Variants in SGIP1 observed in about 807,000 individuals in gnomAD.
SGIP1 encodes the protein SH3-containing GRB2-like protein 3-interacting protein 1.
In SGIP1, 38 loss-of-function variants were observed where a neutral mutation model predicts 107.5. That is an observed-to-expected ratio of 0.35 (90% CI 0.27 to 0.46). The LOEUF is 0.46. Among genes scored for constraint, SGIP1 ranks in the 20% least tolerant of loss-of-function variants. The probability of loss-of-function intolerance (pLI) is 1.00; values close to 1 mark genes in which losing one functional copy is unlikely to be tolerated. For missense variants in SGIP1, 929 were observed against 1,019.5 expected, an observed-to-expected ratio of 0.91 and a Z score of 1.21; for synonymous variants, 365 against 366.1, an observed-to-expected ratio of 1.00 and a Z score of 0.03.
intron 1 of SGIP1, among the ~76,000 whole-genome samples, chr1:66,608,610 C>A (rs2067304419): frequency 6.6e-6 from 1 of 152,190 alleles, no homozygotes; most frequent in Non-Finnish European, 1.5e-5. Flanking sequence ...TAAAAGCTCT[C>A]TGGTTTTCTG....
chr1:66,633,982 C>A, intron 3 of SGIP1: 2 of 1,009,168 alleles, frequency 2.0e-6, no homozygotes, highest in South Asian at 1.5e-5. Context: ...AGCTTTGGGG[C>A]GCCTTTTGCC....
Position 66,743,154 on chromosome 1 carries a change from C to G in SGIP1, c.*59C>G. On this transcript the variant is annotated 3_prime_UTR_variant, in exon 25 of 25. Transcript: ENST00000371037. ...TAATGGAGAACTGATGTATGAGAAA[C>G]AGATTTTAATTTTGGTTTGATGAAA... 1 of 1,586,096 alleles carries G rather than the reference C, an allele frequency of 6.3e-7. No individual in the cohort carries two copies. Among genetic ancestry groups the G allele is most frequent in the Non-Finnish European group, 8.6e-7 (1 of 1,158,976 alleles).
chr1:66,610,170 G>C (rs2067678561), intron 1 of SGIP1, among the ~76,000 whole-genome samples: 1 of 152,256 alleles, frequency 6.6e-6, no homozygotes. Flanking sequence ...GATATATTTA[G>C]TGTAGAAGTA....
chr1:66,667,634 T>A (rs1012520306), intron 9 of SGIP1, 93 bp downstream of exon 9: 1 of 1,119,260 alleles, frequency 8.9e-7, no homozygotes, highest in Admixed American at 1.7e-5. Context: ...AAATTTATGA[T>A]AACCCAGTGT....
chr1:66,742,760 C>T (rs545494766), intron 24 of SGIP1, among the ~76,000 whole-genome samples: 33 of 149,350 alleles, frequency 2.2e-4, no homozygotes, highest in South Asian at 1.7e-3. Context: ...TGAGCCACCG[C>T]GCCCGGCCTA....
At chr1:66,606,286 G>A (rs2066825702) in intron 1 of SGIP1, among the ~76,000 whole-genome samples, 2 of 152,184 alleles carry the variant, frequency 1.3e-5, no homozygotes, top group African/African-American at 2.4e-5. Context: ...ACAAGACAAG[G>A]TATGTGAAAG....
At chr1:66,615,963 G>T (rs2149216626) in intron 1 of SGIP1, 1 of 152,290 alleles carries the variant, frequency 6.6e-6, no homozygotes, top group East Asian at 1.9e-4. Flanking sequence ...TCCAAATTCT[G>T]TGATATCTCT....
intron 18 of SGIP1, among the ~76,000 whole-genome samples, chr1:66,713,482 T>C (rs1057098505): frequency 6.6e-6 from 1 of 152,148 alleles, no homozygotes; most frequent in Non-Finnish European, 1.5e-5. Flanking sequence ...TTGATTTTTG[T>C]TGTTATTGAA....
rs754979253 is a variant in SGIP1, at chr1:66,625,921, T to C, written c.74+11T>C. On this transcript the variant is annotated intron_variant, in intron 2 of 24. Transcript: ENST00000371037. ...GGACACTGATTCTACGTATGTACTT[T>C]AGGAGTTTGCCTCCTCGAAGAAGCT... is the stretch of plus-strand genomic sequence containing the variant. The C allele has an allele frequency of 1.2e-6, 2 of 1,607,924 alleles. No homozygotes were observed. Among genetic ancestry groups the C allele is most frequent in the East Asian group, 2.2e-5 (1 of 44,726 alleles).
chr1:66,572,445 TCTAC>T (rs1388667026), intron 1 of SGIP1, among the ~76,000 whole-genome samples: 4 of 152,090 alleles, frequency 2.6e-5, no homozygotes, highest in African/African-American at 9.7e-5. Context: ...ATACCTAATT[TCTAC>T]CTAATTGCTT....
rs1279624725 is a variant in SGIP1 at position 66,630,773 on chromosome 1, A to T, written c.75-2297A>T. ...GTGAGCTGAGATTTTGCCATTGCAC[A>T]CCAGCCTGGGTGACAAGAGCAAAAC... On this transcript the variant is annotated intron_variant, in intron 2 of 24. Transcript: ENST00000371037. Among the ~76,000 whole-genome samples, 3 of 140,524 alleles carry T rather than the reference A, an allele frequency of 2.1e-5. No homozygotes were observed. The East Asian group carries it at 6.3e-4, about 29-fold the overall frequency. The allele number at this position is 140,524 out of a possible 152,430, so 92.2% of individuals were successfully genotyped here.
In SGIP1 at chr1:66,743,274, C is replaced by T; in HGVS notation, c.*179C>T. The T allele has an allele frequency of 1.8e-6, 1 of 556,422 alleles. No individual in the cohort carries two copies. Among genetic ancestry groups the T allele is most frequent in the Non-Finnish European group, 3.2e-6 (1 of 313,490 alleles). 34.5% of individuals were successfully genotyped at this position (556,422 alleles called of 1,614,324 possible). A position where few individuals can be genotyped will look rare whatever the true frequency, so the allele number is the denominator to read the frequency against. Reference sequence around the variant, plus strand: ...CACACTACCATGATGACCAGTCCTACAGTATTTACTTCTAGGTGTAATATT... The same window carrying T: ...CACACTACCATGATGACCAGTCCTATAGTATTTACTTCTAGGTGTAATATT... On this transcript the variant is annotated 3_prime_UTR_variant, in exon 25 of 25. Transcript: ENST00000371037.
At chr1:66,582,418 C>A (rs1399568820) in intron 1 of SGIP1, among the ~76,000 whole-genome samples, 6 of 151,988 alleles carry the variant, frequency 3.9e-5, no homozygotes, top group Admixed American at 2.6e-4. Flanking sequence ...CAGGTCTTAG[C>A]ACCACAAATA....
chr1:66,586,184 A>C (rs1470621290), intron 1 of SGIP1, among the ~76,000 whole-genome samples: 2 of 152,126 alleles, frequency 1.3e-5, no homozygotes, highest in African/African-American at 4.8e-5. Flanking sequence ...CAATGTCTTC[A>C]TAATATATTT....
intron 1 of SGIP1, among the ~76,000 whole-genome samples, chr1:66,555,291 C>T (rs185611110): frequency 6.6e-6 from 1 of 152,222 alleles, no homozygotes; most frequent in East Asian, 1.9e-4. Context: ...CTTGTGTTAT[C>T]AAGTTCTCTG....
chr1:66,642,858 C>G lies in SGIP1; in HGVS notation c.277C>G (p.Pro93Ala). The change falls in exon 6 of 25, where the codon CCC (proline) becomes GCC (alanine). Residue 93 changes from proline (P) to alanine (A), a missense_variant. Pro to Ala is a conservative substitution (Grantham distance 27). Coordinates refer to ENST00000371037, the MANE Select transcript of SGIP1 (RefSeq NM_032291.4). ...EEGYSIRPEE[P>A]GSTKGKHFYS... ...AGGCTACAGCATCAGACCCGAGGAA[C>G]CCGGCTATATCCTTTCTTTATTTTT... The G allele has an allele frequency of 6.2e-7, 1 of 1,611,674 alleles. No individual in the cohort carries two copies. The highest frequency in any genetic ancestry group is 8.5e-7 in the Non-Finnish European group (1 of 1,178,782).
Position 66,745,175 on chromosome 1 carries a change from TC to T in SGIP1, c.*2083del, listed in dbSNP as rs1247795796. On this transcript the variant is annotated 3_prime_UTR_variant, in exon 25 of 25. Coordinates refer to ENST00000371037, the MANE Select transcript of SGIP1 (RefSeq NM_032291.4). The stretch of plus-strand genomic sequence containing the variant: ...TAGTAATTAAACACAAGGGTTTTTT[TC>T]CCAAAAAATAATTTTACTGATTTTT... 4.6e-5 allele frequency: 7 copies of T among 152,056 alleles called. No individual in the cohort carries two copies. Among genetic ancestry groups the T allele is most frequent in the Non-Finnish European group, 1.0e-4 (7 of 67,866 alleles). 9.4% of individuals were successfully genotyped at this position (152,056 alleles called of 1,614,324 possible). A position where few individuals can be genotyped will look rare whatever the true frequency, so the allele number is the denominator to read the frequency against.
At chr1:66,696,543 G>C (rs2090961374) in intron 18 of SGIP1, among the ~76,000 whole-genome samples, 1 of 152,178 alleles carries the variant, frequency 6.6e-6, no homozygotes, top group Non-Finnish European at 1.5e-5. Context: ...AGTTTGTATA[G>C]TTGTGGCTTT....
intron 1 of SGIP1, among the ~76,000 whole-genome samples, chr1:66,567,126 G>GT (rs530309370): frequency 1.0e-3 from 153 of 151,618 alleles, no homozygotes; most frequent in African/African-American, 3.5e-3. Context: ...GAGCATTTCA[G>GT]TTGGTTCCAT....
Sources: gnomAD v4.1 joint callset for allele counts (sites outside exome capture counted in the v4.1 genomes callset) on GRCh38, gnomAD v4.1.1 for gene constraint, MANE v1.5 for transcripts, NCBI Gene and HGNC (gene_info 2026-07-23, HGNC 2026-07-21) for gene names.